MDM4: variants seen among roughly 807,000 people sequenced by gnomAD.
The protein encoded by MDM4 is protein Mdm4.
A neutral mutation model predicts 60.2 loss-of-function variants in MDM4; 2 were observed. That is an observed-to-expected ratio of 0.03 (90% confidence interval 0.01 to 0.10). The LOEUF is 0.10. Among genes scored for constraint, MDM4 ranks in the 10% least tolerant of loss-of-function variants. The pLI is 1.00. For synonymous variants in MDM4, 202 were observed against 198.1 expected (o/e 1.02, Z -0.17); for missense variants, 447 against 577.5 (o/e 0.77, Z 2.32).
chr1:204,532,522 A>T (rs1660962039), intron 5 of MDM4: 1 of 551,618 alleles, frequency 1.8e-6, no homozygotes, highest in Non-Finnish European at 3.2e-6. Flanking sequence ...GCAGATAAGG[A>T]CTTTTTTCTC....
Position 204,554,146 on chromosome 1 carries a change from CTT to C in MDM4, c.*4466_*4467del, listed in dbSNP as rs1663403672. On this transcript the variant is annotated 3_prime_UTR_variant, in exon 11 of 11. Coordinates refer to ENST00000367182, the MANE Select transcript of MDM4 (RefSeq NM_002393.5). ...TGCAATGTTGGCTGCCTTTTGAAGTCTTTGATATATTGGTGAATATTCTTCTG... is the reference window on the plus strand; with the variant it reads ...TGCAATGTTGGCTGCCTTTTGAAGTCTGATATATTGGTGAATATTCTTCTG... 1 of 228,412 alleles carries C rather than the reference CTT, an allele frequency of 4.4e-6. No homozygotes were observed. The highest frequency in any genetic ancestry group is 2.2e-5 in the African/African-American group (1 of 45,060). The allele number at this position is 228,412 out of a possible 1,614,324, so 14.1% of individuals were successfully genotyped here. A position where few individuals can be genotyped will look rare whatever the true frequency, so the allele number is the denominator to read the frequency against.
intron 3 of MDM4, chr1:204,529,770 A>G (rs1338328855): frequency 1.1e-5 from 4 of 378,304 alleles, no homozygotes; most frequent in African/African-American, 8.3e-5. Flanking sequence ...ATGATGAATT[A>G]TGCCATCTCC....
intron 3 of MDM4, chr1:204,529,314 A>G: frequency 1.3e-6 from 1 of 770,580 alleles, no homozygotes. Flanking sequence ...CACTGTGATC[A>G]GAGTCACCGA....
Position 204,554,898 on chromosome 1 carries a change from G to A in MDM4, c.*5216G>A, listed in dbSNP as rs1041939953. On this transcript the variant is annotated 3_prime_UTR_variant, in exon 11 of 11. Transcript: ENST00000367182. ...CACTAATGCCATTATTGGTAATGCC[G>A]TTATTGGTGAATACAGCATAGTTAA... is the stretch of plus-strand genomic sequence containing the variant. 1 of 224,300 alleles carries A rather than the reference G, an allele frequency of 4.5e-6. No homozygotes were observed. 13.9% of individuals were successfully genotyped at this position (224,300 alleles called of 1,614,324 possible). A position where few individuals can be genotyped will look rare whatever the true frequency, so the allele number is the denominator to read the frequency against.
chr1:204,544,919 A>G (rs773447394), intron 9 of MDM4, among the ~76,000 whole-genome samples: 3 of 152,152 alleles, frequency 2.0e-5, no homozygotes, highest in South Asian at 2.1e-4. Context: ...GATTATAGCA[A>G]CAAGCTACCT....
At position 204,549,801 on chromosome 1, in the gene MDM4, A is replaced by G; in HGVS notation, c.*119A>G. On this transcript the variant is annotated 3_prime_UTR_variant, in exon 11 of 11. Transcript: ENST00000367182. ...AGAATGTTCTTAGGCATCAAAATCC[A>G]AGGTAGCTGTAAGAAAAATACTGGA... 1 of 648,446 alleles carries G rather than the reference A, an allele frequency of 1.5e-6. No individual in the cohort carries two copies. The highest frequency in any genetic ancestry group is 2.5e-6 in the Non-Finnish European group (1 of 401,520). The allele number at this position is 648,446 out of a possible 1,614,324, so 40.2% of individuals were successfully genotyped here.
At chr1:204,545,613 G>C (rs538766739) in intron 9 of MDM4, among the ~76,000 whole-genome samples, 9 of 152,310 alleles carry the variant, frequency 5.9e-5, no homozygotes, top group Admixed American at 5.2e-4. Flanking sequence ...TGGTACCTGG[G>C]TTCTCTTAGA....
chr1:204,522,460 C>T (rs528704445), intron 1 of MDM4, among the ~76,000 whole-genome samples: 105 of 151,272 alleles, frequency 6.9e-4, no homozygotes, highest in African/African-American at 1.9e-3. Flanking sequence ...TGCAGTGGCA[C>T]GATCTCGGCT....
At chr1:204,546,401 C>G (rs1030736142) in intron 9 of MDM4, among the ~76,000 whole-genome samples, 2 of 152,094 alleles carry the variant, frequency 1.3e-5, no homozygotes, top group African/African-American at 2.4e-5. Context: ...CAGGGTCTTG[C>G]TCTGTTGCCT....
At chr1:204,524,542 G>A (rs1284527453) in intron 1 of MDM4, among the ~76,000 whole-genome samples, 1 of 152,220 alleles carries the variant, frequency 6.6e-6, no homozygotes, top group East Asian at 1.9e-4. Flanking sequence ...ACTTTGGGAG[G>A]CTGAGGTGGG....
At chr1:204,532,276 A>G (rs1317291401) in intron 5 of MDM4, 30 bp downstream of exon 5, 15 of 1,454,096 alleles carry the variant, frequency 1.0e-5, no homozygotes, top group South Asian at 8.2e-5. Context: ...TTCAGTCTGT[A>G]TCACAGCTTT....
At position 204,538,313 on chromosome 1, in the gene MDM4, G is replaced by A. The variant is rs77617818; in HGVS notation, c.511+5G>A. On this transcript the variant is annotated splice_donor_5th_base_variant and intron_variant, in intron 7 of 10. Transcript: ENST00000367182. Reference sequence around the variant, plus strand: ...AATGCATACATTCTAGAGAAGGTATGTTTTGGATTAAGGCTATATAGACTT... The same window carrying A: ...AATGCATACATTCTAGAGAAGGTATATTTTGGATTAAGGCTATATAGACTT... 1,049 of 1,497,784 alleles carry A rather than the reference G, an allele frequency of 7.0e-4. 8 individuals are homozygous for A. In the African/African-American group the frequency reaches 0.012, roughly 17 times the overall value. The allele number at this position is 1,497,784 out of a possible 1,614,324, so 92.8% of individuals were successfully genotyped here.
At chr1:204,526,498 C>G in intron 3 of MDM4, 64 bp downstream of exon 3, 1 of 1,236,116 alleles carries the variant, frequency 8.1e-7, no homozygotes, top group Admixed American at 2.3e-5. Context: ...GAGTCTCCCT[C>G]TTTTGCCCAG....
In MDM4 at chr1:204,555,122, C is replaced by G. The variant is rs1180057163; in HGVS notation, c.*5440C>G. 1 of 199,528 alleles carries G rather than the reference C, an allele frequency of 5.0e-6. No homozygotes were observed. Among genetic ancestry groups the G allele is most frequent in the Non-Finnish European group, 1.0e-5 (1 of 97,056 alleles). 12.4% of individuals were successfully genotyped at this position (199,528 alleles called of 1,614,324 possible). A position where few individuals can be genotyped will look rare whatever the true frequency, so the allele number is the denominator to read the frequency against. ...TCTTACGATCCTCATTGAATCCCCT[C>G]TGGGAGCACAGGACAGTTAGTAGAA... On this transcript the variant is annotated 3_prime_UTR_variant, in exon 11 of 11. Coordinates refer to ENST00000367182, the MANE Select transcript of MDM4 (RefSeq NM_002393.5).
chr1:204,524,548 G>A (rs922462765), intron 1 of MDM4, among the ~76,000 whole-genome samples: 10 of 152,220 alleles, frequency 6.6e-5, no homozygotes, highest in Non-Finnish European at 1.3e-4. Flanking sequence ...GGAGGCTGAG[G>A]TGGGCGGATC....
At chr1:204,536,846 A>G (rs902733939) in intron 5 of MDM4, 9 of 242,790 alleles carry the variant, frequency 3.7e-5, no homozygotes, top group Non-Finnish European at 6.7e-5. Context: ...AAATAAGACA[A>G]TGAAAAAAAT....
intron 9 of MDM4, among the ~76,000 whole-genome samples, chr1:204,545,145 G>T (rs1240352350): frequency 6.6e-6 from 1 of 152,130 alleles, no homozygotes; most frequent in Non-Finnish European, 1.5e-5. Flanking sequence ...AATTCTTCCA[G>T]TGTGACCCAG....
In MDM4 at chr1:204,556,282, G is replaced by A. The variant is rs1199426632; in HGVS notation, c.*6600G>A. On this transcript the variant is annotated 3_prime_UTR_variant, in exon 11 of 11. Transcript: ENST00000367182. ...AAATGTTTCTGTTGCAGAGTTAGGC[G>A]GTAGATGGGAAGCTGTGATGGCAGA... 1.8e-5 allele frequency: 4 copies of A among 227,000 alleles called. No individual in the cohort carries two copies. The highest frequency in any genetic ancestry group is 4.4e-5 in the African/African-American group (2 of 44,980). The allele number at this position is 227,000 out of a possible 1,614,324, so 14.1% of individuals were successfully genotyped here.
chr1:204,535,399 T>C (rs4951394), intron 5 of MDM4, among the ~76,000 whole-genome samples: 89,515 of 151,866 alleles, frequency 0.59, 28,526 homozygotes, highest in Non-Finnish European at 0.7. Flanking sequence ...CCTCGTGATC[T>C]GCCCGCCTTG....
Sources: allele counts gnomAD v4.1 joint callset (sites outside exome capture counted in the v4.1 genomes callset), GRCh38; gene constraint gnomAD v4.1.1; transcripts MANE v1.5; gene names NCBI Gene and HGNC (gene_info 2026-07-23, HGNC 2026-07-21).